FHIT: variants seen among roughly 807,000 people sequenced by gnomAD.
FHIT encodes the protein fragile histidine triad diadenosine triphosphatase, also known as bis(5'-adenosyl)-triphosphatase.
Under a neutral mutation model 17.9 loss-of-function variants are expected in FHIT, and 19 were observed. That is an observed-to-expected ratio of 1.06 (90% CI 0.74 to 1.56). FHIT has a LOEUF of 1.56. Among genes scored for constraint, FHIT ranks in the 40% most tolerant of loss-of-function variants. FHIT has a pLI of 0.00. For missense variants in FHIT, 248 were observed against 189.2 expected (o/e 1.31, Z -1.82); for synonymous variants, 81 against 69.7 (o/e 1.16, Z -0.81).
chr3:59,817,544 C>G (rs1274519070), intron 8 of FHIT, among the ~76,000 whole-genome samples: 7 of 107,408 alleles, frequency 6.5e-5, no homozygotes, highest in African/African-American at 2.6e-4. Flanking sequence ...CCCTGGGAGA[C>G]AGAGCAACAC....
At chr3:60,498,161 G>C (rs2034378828) in intron 5 of FHIT, among the ~76,000 whole-genome samples, 1 of 152,114 alleles carries the variant, frequency 6.6e-6, no homozygotes, top group South Asian at 2.1e-4. Flanking sequence ...CACCAAGATG[G>C]ACAGCAAAAA....
intron 3 of FHIT, among the ~76,000 whole-genome samples, chr3:60,922,488 T>C (rs1192271305): frequency 2.6e-5 from 4 of 152,212 alleles, no homozygotes; most frequent in African/African-American, 9.6e-5. Context: ...TGGGTAAAGA[T>C]ATATGATGTC....
chr3:60,790,685 A>C lies in FHIT; in HGVS notation c.-18+31234T>G, dbSNP rs368506463. On this transcript the variant is annotated intron_variant, in intron 4 of 9. Coordinates refer to ENST00000492590, the MANE Select transcript of FHIT (RefSeq NM_002012.4). ...TAGGATGAATATATGGAGCAGGGGC[A>C]TTTTTAGGAGAGTGAAACTATTCTG... Among the ~76,000 whole-genome samples the C allele has an allele frequency of 3.9e-5, 6 of 152,332 alleles. No individual in the cohort carries two copies. In the East Asian group the frequency reaches 9.6e-4, roughly 24 times the overall value.
At chr3:60,111,885 C>A (rs376399210) in intron 5 of FHIT, among the ~76,000 whole-genome samples, 2 of 152,208 alleles carry the variant, frequency 1.3e-5, no homozygotes, top group East Asian at 1.9e-4. Flanking sequence ...AATTAAACAT[C>A]CAACTCTTTG....
At chr3:61,091,040 T>C (rs1443263933) in intron 2 of FHIT, among the ~76,000 whole-genome samples, 1 of 152,176 alleles carries the variant, frequency 6.6e-6, no homozygotes, top group African/African-American at 2.4e-5. Flanking sequence ...AGAAACTCCA[T>C]TTAACTTCGT....
At chr3:61,219,015 A>G (rs116562397) in intron 1 of FHIT, among the ~76,000 whole-genome samples, 5,495 of 152,260 alleles carry the variant, frequency 0.036, 144 homozygotes, top group African/African-American at 0.061. Context: ...ACAAACCTAG[A>G]AAGTGTAGCC....
intron 4 of FHIT, among the ~76,000 whole-genome samples, chr3:60,744,558 C>A (rs13315187): frequency 0.024 from 3,728 of 152,252 alleles, 173 homozygotes; most frequent in African/African-American, 0.085. Flanking sequence ...AACAGTAGAA[C>A]AACCTTCCTG....
intron 2 of FHIT, among the ~76,000 whole-genome samples, chr3:61,134,790 G>T (rs546958496): frequency 6.6e-6 from 1 of 152,208 alleles, no homozygotes; most frequent in African/African-American, 2.4e-5. Flanking sequence ...CAAGAGGCTG[G>T]TTTGGCCAGA....
intron 8 of FHIT, among the ~76,000 whole-genome samples, chr3:59,781,175 A>G (rs1334219503): frequency 2.6e-5 from 4 of 152,176 alleles, no homozygotes; most frequent in Admixed American, 2.6e-4. Flanking sequence ...CTGACCTAGA[A>G]TGACCTGTAA....
chr3:61,102,294 C>G (rs2035857411), intron 2 of FHIT, among the ~76,000 whole-genome samples: 1 of 152,164 alleles, frequency 6.6e-6, no homozygotes, highest in African/African-American at 2.4e-5. Context: ...AAGACCTTTT[C>G]TGCATCTACT....
intron 5 of FHIT, among the ~76,000 whole-genome samples, chr3:60,534,913 G>A (rs1440887923): frequency 6.6e-6 from 1 of 152,104 alleles, no homozygotes; most frequent in Non-Finnish European, 1.5e-5. Context: ...GGTATGCCCT[G>A]GTTTTAGACA....
Position 60,515,263 on chromosome 3 carries a change from C to T in FHIT, c.103+21597G>A, listed in dbSNP as rs1174366869. Among the ~76,000 whole-genome samples, 12 of 152,218 alleles carry T rather than the reference C, an allele frequency of 7.9e-5. No individual in the cohort carries two copies. In the South Asian group the frequency reaches 1.5e-3, roughly 18 times the overall value. ...CAGCTGGCAGGAAGGCTGCAGAGCT[C>T]GGTTCAAGGCAGGAGATCCTGCCCC... is the stretch of plus-strand genomic sequence containing the variant. On this transcript the variant is annotated intron_variant, in intron 5 of 9. Coordinates refer to ENST00000492590, the MANE Select transcript of FHIT (RefSeq NM_002012.4).
At chr3:59,950,637 G>A (rs1266864083) in intron 7 of FHIT, among the ~76,000 whole-genome samples, 1 of 152,142 alleles carries the variant, frequency 6.6e-6, no homozygotes, top group Non-Finnish European at 1.5e-5. Context: ...AGAATCAGGA[G>A]CAGTAAACTC....
chr3:60,312,599 T>G (rs1485489727), intron 5 of FHIT, among the ~76,000 whole-genome samples: 1 of 152,190 alleles, frequency 6.6e-6, no homozygotes, highest in East Asian at 1.9e-4. Flanking sequence ...GATTTAACAG[T>G]TCTGGTATGG....
intron 3 of FHIT, among the ~76,000 whole-genome samples, chr3:60,945,265 T>A (rs116281709): frequency 0.018 from 2,764 of 151,930 alleles, 36 homozygotes; most frequent in South Asian, 0.059. Flanking sequence ...AAAACCAATG[T>A]CAACAGACTG....
intron 3 of FHIT, among the ~76,000 whole-genome samples, chr3:60,885,501 T>C (rs933083228): frequency 2.0e-5 from 3 of 152,308 alleles, no homozygotes; most frequent in Admixed American, 6.5e-5. Flanking sequence ...ATAATAAGTA[T>C]TTTAAAATAT....
At chr3:61,084,076 C>A (rs1315908283) in intron 2 of FHIT, among the ~76,000 whole-genome samples, 1 of 152,212 alleles carries the variant, frequency 6.6e-6, no homozygotes, top group East Asian at 1.9e-4. Flanking sequence ...CTCAGATCAG[C>A]AATCCAACTG....
In FHIT at chr3:60,861,143, T is replaced by C. The variant is rs1284650627; in HGVS notation, c.-110-39132A>G. Reference sequence around the variant, plus strand: ...TATGTGTATATATGATATATGTATATATGATCTATATACATATATATCATA... The same window carrying C: ...TATGTGTATATATGATATATGTATACATGATCTATATACATATATATCATA... On this transcript the variant is annotated intron_variant, in intron 3 of 9. Transcript: ENST00000492590. Among the ~76,000 whole-genome samples the C allele has an allele frequency of 1.8e-4, 11 of 59,580 alleles. 1 individual carries two copies. The highest frequency in any genetic ancestry group is 3.2e-4 in the Non-Finnish European group (10 of 31,244). The allele number at this position is 59,580 out of a possible 152,430, so 39.1% of individuals were successfully genotyped here. A position where few individuals can be genotyped will look rare whatever the true frequency, so the allele number is the denominator to read the frequency against.
At chr3:61,145,025 C>A (rs749082200) in intron 2 of FHIT, among the ~76,000 whole-genome samples, 1 of 152,092 alleles carries the variant, frequency 6.6e-6, no homozygotes, top group African/African-American at 2.4e-5. Context: ...ATTTGACACA[C>A]AAAAGTTTTA....
Sources: gnomAD v4.1 joint callset for allele counts (sites outside exome capture counted in the v4.1 genomes callset) on GRCh38, gnomAD v4.1.1 for gene constraint, MANE v1.5 for transcripts, NCBI Gene and HGNC (gene_info 2026-07-23, HGNC 2026-07-21) for gene names.